Variants in TAPT1 observed in about 807,000 individuals in gnomAD.
TAPT1 encodes the protein transmembrane anterior posterior transformation 1.
Under a neutral mutation model 65.6 loss-of-function variants are expected in TAPT1, and 28 were observed. That is an observed-to-expected ratio of 0.43 (90% confidence interval 0.32 to 0.59). TAPT1 has a LOEUF of 0.59. Among genes scored for constraint, TAPT1 ranks in the 20% least tolerant of loss-of-function variants. The pLI, the probability that TAPT1 is intolerant of heterozygous loss-of-function variation, is 0.09. For missense variants in TAPT1, 563 were observed against 679.9 expected (o/e 0.83, Z 1.91); for synonymous variants, 278 against 245.2 (o/e 1.13, Z -1.25).
intron 8 of TAPT1, chr4:16,176,439 G>A (rs749042665): frequency 5.8e-5 from 20 of 342,018 alleles, no homozygotes; most frequent in Non-Finnish European, 8.9e-5. Flanking sequence ...CAGGCCCGGC[G>A]CAGTGGCTCA....
At chr4:16,179,432 CAGATG>C (rs1397101923) in intron 8 of TAPT1, 140 bp downstream of exon 8, 2 of 539,734 alleles carry the variant, frequency 3.7e-6, no homozygotes, top group Non-Finnish European at 6.6e-6. Context: ...CATTAAGTGA[CAGATG>C]ATTGTTTCAC....
chr4:16,219,675 T>C (rs1751138192), intron 1 of TAPT1, among the ~76,000 whole-genome samples: 1 of 152,218 alleles, frequency 6.6e-6, no homozygotes, highest in African/African-American at 2.4e-5. Flanking sequence ...TACTTTATAG[T>C]ATAAGGCAGT....
At chr4:16,170,531 C>T (rs372681225) in intron 12 of TAPT1, 122 bp downstream of exon 12, 1 of 601,516 alleles carries the variant, frequency 1.7e-6, no homozygotes, top group Non-Finnish European at 3.0e-6. Flanking sequence ...GGAGGTATAG[C>T]TGTTGAATGG....
intron 12 of TAPT1, among the ~76,000 whole-genome samples, chr4:16,167,742 A>G (rs944630817): frequency 6.6e-6 from 1 of 152,180 alleles, no homozygotes; most frequent in Non-Finnish European, 1.5e-5. Context: ...TTTTGTTATT[A>G]TTGTTGTTAT....
intron 13 of TAPT1, among the ~76,000 whole-genome samples, chr4:16,164,681 T>C (rs1747468442): frequency 1.3e-5 from 2 of 152,186 alleles, no homozygotes; most frequent in South Asian, 4.1e-4. Flanking sequence ...TGCTTCTGCC[T>C]TAGCCTCCCA....
chr4:16,222,421 C>A (rs1047412648), intron 1 of TAPT1, among the ~76,000 whole-genome samples: 1 of 152,082 alleles, frequency 6.6e-6, no homozygotes, highest in African/African-American at 2.4e-5. Flanking sequence ...AGTAATTTCC[C>A]GGTTTTATTA....
intron 8 of TAPT1, among the ~76,000 whole-genome samples, chr4:16,177,967 T>C (rs1748448959): frequency 6.6e-6 from 1 of 152,228 alleles, no homozygotes; most frequent in Non-Finnish European, 1.5e-5. Flanking sequence ...GATAATTTAT[T>C]AAAAGTCACA....
chr4:16,211,029 C>T (rs1376279900), intron 2 of TAPT1, among the ~76,000 whole-genome samples: 1 of 144,264 alleles, frequency 6.9e-6, no homozygotes, highest in Admixed American at 6.7e-5. Flanking sequence ...GACAATACAA[C>T]ACAAAAATTG....
chr4:16,166,512 A>C, intron 13 of TAPT1, 121 bp downstream of exon 13: 1 of 1,266,232 alleles, frequency 7.9e-7, no homozygotes, highest in Non-Finnish European at 1.1e-6. Context: ...CACAACCATT[A>C]AAAGACCCAA....
Position 16,218,145 on chromosome 4 carries a change from G to A in TAPT1, c.200-4247C>T, listed in dbSNP as rs552834351. Among the ~76,000 whole-genome samples, 63 of 152,316 alleles carry A rather than the reference G, an allele frequency of 4.1e-4. 1 individual carries two copies. Among genetic ancestry groups the A allele is most frequent in the South Asian group, 1.2e-3 (6 of 4,834 alleles). ...GGGCCGGGCATAGTGGCTCACGCCC[G>A]TAATCCCATCAATTTTGGGAGGCCA... On this transcript the variant is annotated intron_variant, in intron 1 of 13. Transcript: ENST00000405303.
At chr4:16,179,789 T>TAC (rs1491362781) in intron 7 of TAPT1, 132 bp from the exon 8 acceptor site, 2 of 378,540 alleles carry the variant, frequency 5.3e-6, no homozygotes, top group Non-Finnish European at 9.2e-6. Flanking sequence ...TATACAACTT[T>TAC]ATATATATAT....
intron 1 of TAPT1, 88 bp downstream of exon 1, chr4:16,226,171 G>C (rs1751544699): frequency 9.5e-7 from 1 of 1,051,098 alleles, no homozygotes; most frequent in Non-Finnish European, 1.2e-6. Context: ...CGCGCGGCTC[G>C]GGGGCCGGGG....
intron 1 of TAPT1, among the ~76,000 whole-genome samples, chr4:16,219,917 G>C (rs1331507255): frequency 6.6e-6 from 1 of 152,184 alleles, no homozygotes; most frequent in Non-Finnish European, 1.5e-5. Context: ...CCATCTCTCT[G>C]ACAATTATAA....
chr4:16,164,901 G>A (rs1236666411), intron 13 of TAPT1, among the ~76,000 whole-genome samples: 1 of 152,034 alleles, frequency 6.6e-6, no homozygotes, highest in African/African-American at 2.4e-5. Flanking sequence ...TTTCGCTTCC[G>A]GTTAAGTACA....
At chr4:16,207,786 T>G (rs557815949) in intron 2 of TAPT1, among the ~76,000 whole-genome samples, 1 of 152,332 alleles carries the variant, frequency 6.6e-6, no homozygotes, top group Admixed American at 6.5e-5. Context: ...TACTTACACC[T>G]TCAATCTGAC....
chr4:16,177,951 A>G (rs369857311), intron 8 of TAPT1, among the ~76,000 whole-genome samples: 2 of 152,226 alleles, frequency 1.3e-5, no homozygotes, highest in Admixed American at 1.3e-4. Context: ...CTAACAAAGG[A>G]GGCAAGATAA....
intron 3 of TAPT1, among the ~76,000 whole-genome samples, chr4:16,200,907 C>G (rs2149702141): frequency 6.6e-6 from 1 of 151,934 alleles, no homozygotes; most frequent in South Asian, 2.1e-4. Flanking sequence ...AAAACTTCTC[C>G]CAAAAGAAAA....
intron 2 of TAPT1, among the ~76,000 whole-genome samples, chr4:16,204,041 A>G (rs1457718312): frequency 6.6e-6 from 1 of 152,218 alleles, no homozygotes; most frequent in Non-Finnish European, 1.5e-5. Context: ...TCTTACACAC[A>G]AAGCAGTACA....
intron 11 of TAPT1, among the ~76,000 whole-genome samples, chr4:16,173,897 C>A (rs986074656): frequency 1.9e-4 from 29 of 152,142 alleles, no homozygotes; most frequent in Non-Finnish European, 7.4e-5. Flanking sequence ...ACGTTAATGA[C>A]CATGCTCAGA....
Sources: gnomAD v4.1 joint callset for allele counts (sites outside exome capture counted in the v4.1 genomes callset) on GRCh38, gnomAD v4.1.1 for gene constraint, MANE v1.5 for transcripts, NCBI Gene and HGNC (gene_info 2026-07-23, HGNC 2026-07-21) for gene names.